The following NXPE1 variants were observed in gnomAD, a reference collection of about 807,000 sequenced individuals.
NXPE1 encodes the protein NXPE family member 1.
A neutral mutation model predicts 33.3 loss-of-function variants in NXPE1; 31 were observed. That is an observed-to-expected ratio of 0.93 (90% CI 0.70 to 1.26). NXPE1 has a LOEUF of 1.26. NXPE1 is among the 50% of genes most tolerant of loss of function. The pLI is 0.00. For missense variants in NXPE1, 661 were observed against 655.6 expected, an observed-to-expected ratio of 1.01 and a Z score of -0.09; for synonymous variants, 229 against 231.4, an observed-to-expected ratio of 0.99 and a Z score of 0.09.
chr11:114,559,350 T>C (rs1162670928), intron 1 of NXPE1, among the ~76,000 whole-genome samples: 1 of 152,210 alleles, frequency 6.6e-6, no homozygotes, highest in Non-Finnish European at 1.5e-5. Flanking sequence ...TTTGAATTCC[T>C]GTGACATATT....
intron 1 of NXPE1, chr11:114,554,486 A>T: frequency 1.7e-6 from 1 of 592,724 alleles, no homozygotes; most frequent in Non-Finnish European, 2.1e-6. Flanking sequence ...TACATAAAAT[A>T]AAATGTATAG....
intron 5 of NXPE1, among the ~76,000 whole-genome samples, chr11:114,537,501 G>A (rs939205001): frequency 1.2e-4 from 19 of 152,212 alleles, no homozygotes; most frequent in Non-Finnish European, 2.2e-4. Context: ...GTCCCTGTTT[G>A]CAGATGACAT....
In NXPE1 at chr11:114,537,115, G is replaced by A. The variant is rs147447748; in HGVS notation, c.100-6207C>T. Among the ~76,000 whole-genome samples, 1,428 of 152,132 alleles carry A rather than the reference G, an allele frequency of 9.4e-3. 23 individuals are homozygous for A. Among genetic ancestry groups the A allele is most frequent in the African/African-American group, 0.031 (1,294 of 41,506 alleles). ...ATGGTCTTCAACCCTGGGATGCAAG[G>A]CTGGTTCAACATATGCAAATCAATA... On this transcript the variant is annotated intron_variant, in intron 5 of 8. Coordinates refer to ENST00000534921, the Ensembl canonical transcript of NXPE1.
At chr11:114,539,200 G>T (rs558574752) in intron 5 of NXPE1, among the ~76,000 whole-genome samples, 1 of 150,184 alleles carries the variant, frequency 6.7e-6, no homozygotes, top group Admixed American at 6.7e-5. Flanking sequence ...ACCAAATACC[G>T]CATGTTCTCA....
intron 5 of NXPE1, among the ~76,000 whole-genome samples, chr11:114,547,871 A>G (rs1214456482): frequency 1.3e-5 from 2 of 152,230 alleles, no homozygotes; most frequent in Non-Finnish European, 2.9e-5. Context: ...TTTATTGGTT[A>G]TGCTACAATA....
chr11:114,525,137 C>T (rs1333936123), intron 7 of NXPE1, among the ~76,000 whole-genome samples: 1 of 151,870 alleles, frequency 6.6e-6, no homozygotes, highest in South Asian at 2.1e-4. Context: ...CTTGTCTCAA[C>T]AATGGAGACA....
chr11:114,535,750 C>G (rs993698031), intron 5 of NXPE1, among the ~76,000 whole-genome samples: 5 of 152,152 alleles, frequency 3.3e-5, no homozygotes, highest in African/African-American at 9.7e-5. Flanking sequence ...AATATATATG[C>G]ACCCAATACA....
At chr11:114,545,656 A>G (rs1948252037) in intron 5 of NXPE1, among the ~76,000 whole-genome samples, 1 of 152,090 alleles carries the variant, frequency 6.6e-6, no homozygotes, top group South Asian at 2.1e-4. Flanking sequence ...TGAAACTGCA[A>G]AAGCTCATTG....
chr11:114,559,475 G>A (rs1273241663), intron 1 of NXPE1, among the ~76,000 whole-genome samples: 1 of 152,198 alleles, frequency 6.6e-6, no homozygotes, highest in Non-Finnish European at 1.5e-5. Flanking sequence ...TAGGTTGAGT[G>A]ACTGTATCCA....
At chr11:114,551,245 A>C in intron 4 of NXPE1, 34 bp from the exon 5 acceptor site, 1 of 1,388,240 alleles carries the variant, frequency 7.2e-7, no homozygotes, top group African/African-American at 1.4e-5. Flanking sequence ...GAGTCGTGAG[A>C]AGTGAATCTC....
At chr11:114,536,390 A>C (rs1378415878) in intron 5 of NXPE1, among the ~76,000 whole-genome samples, 1 of 152,252 alleles carries the variant, frequency 6.6e-6, no homozygotes, top group Non-Finnish European at 1.5e-5. Flanking sequence ...AGCAAGAGCA[A>C]ACATATTCAA....
At chr11:114,556,620 C>T (rs1948654041) in intron 1 of NXPE1, among the ~76,000 whole-genome samples, 1 of 151,956 alleles carries the variant, frequency 6.6e-6, no homozygotes, top group South Asian at 2.1e-4. Flanking sequence ...TGATTCCCTA[C>T]TTTTAAGTGT....
At chr11:114,519,227 C>CA (rs11435956), downstream of NXPE1, among the ~76,000 whole-genome samples, 36,746 of 152,046 alleles carry the variant, frequency 0.24, 6,578 homozygotes, top group African/African-American at 0.5. Flanking sequence ...GCTTTCCCCC[C>CA]GTTTGGCAAA....
At chr11:114,534,349 A>G (rs564214066) in intron 5 of NXPE1, among the ~76,000 whole-genome samples, 6 of 152,330 alleles carry the variant, frequency 3.9e-5, no homozygotes, top group African/African-American at 1.4e-4. Context: ...ACAGAGCAGA[A>G]AAACCGGAAA....
intron 5 of NXPE1, among the ~76,000 whole-genome samples, chr11:114,534,534 T>A (rs1001076377): frequency 2.6e-5 from 4 of 151,976 alleles, no homozygotes; most frequent in African/African-American, 7.3e-5. Context: ...TTAAAAACTT[T>A]GAAAAAAAAT....
chr11:114,522,630 A>G, intron 8 of NXPE1, 127 bp from the exon 9 acceptor site: 1 of 802,934 alleles, frequency 1.2e-6, no homozygotes. Context: ...TCTACTCTCT[A>G]GGGTACAGTA....
At chr11:114,529,412 A>C in intron 6 of NXPE1, 1 of 152,266 alleles carries the variant, frequency 6.6e-6, no homozygotes, top group East Asian at 1.9e-4. Context: ...GTTTCATTCT[A>C]ATCAACAAAG....
At chr11:114,558,545 G>A (rs1948710445) in intron 1 of NXPE1, among the ~76,000 whole-genome samples, 1 of 152,090 alleles carries the variant, frequency 6.6e-6, no homozygotes, top group African/African-American at 2.4e-5. Flanking sequence ...TGGAAGTTGA[G>A]TTATTGACAA....
At chr11:114,534,525 TA>T (rs1947718993) in intron 5 of NXPE1, among the ~76,000 whole-genome samples, 2 of 152,228 alleles carry the variant, frequency 1.3e-5, no homozygotes, top group South Asian at 4.1e-4. Context: ...GCAAAGAAGT[TA>T]AAAACTTTGA....
Sources: gnomAD v4.1 joint callset for allele counts (sites outside exome capture counted in the v4.1 genomes callset) on GRCh38, gnomAD v4.1.1 for gene constraint, MANE v1.5 for transcripts, NCBI Gene and HGNC (gene_info 2026-07-23, HGNC 2026-07-21) for gene names.